Variants in MAGED2 observed in about 807,000 individuals in gnomAD.
The protein encoded by MAGED2 is melanoma-associated antigen D2.
A neutral mutation model predicts 41.7 loss-of-function variants in MAGED2; 6 were observed. The ratio of observed to expected loss-of-function variants is 0.14; its 90% CI spans 0.08 to 0.28. The LOEUF is 0.28. Ranked by LOEUF, MAGED2 falls within the 10% of genes least tolerant of loss-of-function variation. The pLI is 1.00. For missense variants in MAGED2, 343 were observed against 486.4 expected (o/e 0.71, Z 2.77); for synonymous variants, 146 against 178.2 (o/e 0.82, Z 1.44).
rs747081998 is a variant in MAGED2, at chrX:54,815,430, C to T, written c.1569C>T (p.Ile523=). The change falls in exon 12 of 13, where the codon ATC becomes ATT. Residue 523 remains isoleucine (I), a synonymous_variant. Transcript: ENST00000375068. ...CCTGCAACTGGGACGAAGCTGATAT[C>T]GGACCCTGGGCCAAAGCCCGGATCC... is the stretch of plus-strand genomic sequence containing the variant. The part of the protein sequence containing the change: ...AGPCNWDEAD[I]GPWAKARIQA... 172 of 1,206,045 alleles carry T rather than the reference C, an allele frequency of 1.4e-4. No individual in the cohort carries two copies. Among genetic ancestry groups the T allele is most frequent in the Non-Finnish European group, 1.9e-4 (166 of 892,635 alleles).
intron 1 of MAGED2, chrX:54,808,939 C>T: frequency 4.2e-6 from 1 of 237,612 alleles, no homozygotes; most frequent in Non-Finnish European, 7.8e-6. Flanking sequence ...CTGCTGAATG[C>T]GCATGTGCAC....
At chrX:54,810,681 G>A (rs1160594805) in intron 3 of MAGED2, 140 bp from the exon 4 acceptor site, 2 of 494,071 alleles carry the variant, frequency 4.0e-6, no homozygotes, top group Non-Finnish European at 6.5e-6. Context: ...ACAAATCCAG[G>A]GTTCAGCATG....
intron 7 of MAGED2, 133 bp downstream of exon 7, chrX:54,812,384 C>G: frequency 2.4e-6 from 1 of 418,761 alleles, no homozygotes; most frequent in South Asian, 3.6e-5. Flanking sequence ...GTCCCAGTTC[C>G]TATGCATAGT....
chrX:54,814,235 C>A (rs1929893866), intron 10 of MAGED2: 1 of 292,142 alleles, frequency 3.4e-6, no homozygotes, highest in South Asian at 3.2e-5. Flanking sequence ...CACACAGAAA[C>A]ACACACAAAG....
intron 4 of MAGED2, 28 bp downstream of exon 4, chrX:54,811,157 C>T: frequency 8.4e-7 from 1 of 1,194,435 alleles, no homozygotes; most frequent in Non-Finnish European, 1.1e-6. Flanking sequence ...TTTATTCTGC[C>T]TTTTCTACTG....
Position 54,810,959 on chromosome X carries a change from G to T in MAGED2, c.676G>T (p.Ala226Ser). The change falls in exon 4 of 13, where the codon GCC becomes TCC. Residue 226 changes from alanine (A) to serine (S), a missense_variant. Around this residue, in one of 3 missense-constraint regions of MAGED2, gnomAD observed 195 missense variants for 221.2 expected, o/e 0.88. Transcript: ENST00000375068. ...TTCAAGGGGTCCCATAGCCTTTTGGGCCCGCAGGGCATCAAGGACTCGGTT... is the reference window on the plus strand; with the variant it reads ...TTCAAGGGGTCCCATAGCCTTTTGGTCCCGCAGGGCATCAAGGACTCGGTT... ...RASRGPIAFW[A>S]RRASRTRLAA... The T allele has an allele frequency of 8.3e-7, 1 of 1,204,781 alleles. No homozygotes were observed.
intron 10 of MAGED2, chrX:54,814,369 T>TGGGGTGTGCTCAGAGCAGG: frequency 2.2e-6 from 1 of 463,964 alleles, no homozygotes. Context: ...ACACTTGCAG[T>TGGGGTGTGCTCAGAGCAGG]GGGGTGTGCT....
chrX:54,813,389 CCT>C, intron 9 of MAGED2, 97 bp from the exon 10 acceptor site: 2 of 889,273 alleles, frequency 2.2e-6, no homozygotes, highest in South Asian at 4.5e-5. Flanking sequence ...GTGCTGGAAA[CCT>C]CTTTTCCATC....
rs768864626 is a variant in MAGED2, at chrX:54,815,629, G to C, written c.1768G>C (p.Ala590Pro). 12 of 1,165,781 alleles carry C rather than the reference G, an allele frequency of 1.0e-5. No homozygotes were observed. Among genetic ancestry groups the C allele is most frequent in the Middle Eastern group, 2.5e-4 (1 of 3,967 alleles). The change falls in exon 12 of 13, where the codon GCT becomes CCT. Residue 590 changes from alanine (A) to proline (P), a missense_variant. Physicochemically the swap from Ala to Pro is conservative, Grantham distance 27. This residue lies in a region of MAGED2 where 53 missense variants were observed against 60.4 expected (regional missense o/e 0.88). Coordinates refer to ENST00000375068, the MANE Select transcript of MAGED2 (RefSeq NM_177433.3). ...TFGLFAGLGG[A>P]GASTSGSSGA... ...TGGGCTCTTCGCTGGCCTTGGTGGA[G>C]CTGGTGCCAGCACCAGTGGCAGCTC...
chrX:54,808,466 C>G (rs1395211201), intron 1 of MAGED2: 1 of 112,833 alleles, frequency 8.9e-6, no homozygotes, highest in African/African-American at 3.2e-5. Flanking sequence ...GGATGAGAGC[C>G]CCGCTAGGGG....
intron 1 of MAGED2, 51 bp from the exon 2 acceptor site, chrX:54,809,252 G>T: frequency 9.8e-7 from 1 of 1,017,667 alleles, no homozygotes; most frequent in Non-Finnish European, 1.4e-6. Context: ...GCACAACAGG[G>T]GAGAGGACGT....
In MAGED2 at chrX:54,809,294, C is replaced by G. The variant is rs764679120; in HGVS notation, c.-29-9C>G. 2.5e-6 allele frequency: 3 copies of G among 1,204,994 alleles called. No homozygotes were observed. Among genetic ancestry groups the G allele is most frequent in the Non-Finnish European group, 3.4e-6 (3 of 889,600 alleles). ...GGCTTCAACTTGACCCAGGCCTTCT[C>G]CCCTTCAGGCTCAGCTCTTGCCAGG... On this transcript the variant is annotated splice_polypyrimidine_tract_variant and intron_variant, in intron 1 of 12. Coordinates refer to ENST00000375068, the MANE Select transcript of MAGED2 (RefSeq NM_177433.3).
rs1380149078 is a variant in MAGED2 at position 54,814,675 on chromosome X, C to T, written c.1286C>T (p.Ala429Val). ...CTCTTTCCAAGGTACCTGGACTATGCCAGAGTCCCCAATAGCAATCCCCCT... is the reference window on the plus strand; with the variant it reads ...CTCTTTCCAAGGTACCTGGACTATGTCAGAGTCCCCAATAGCAATCCCCCT... ...EFVKQKYLDY[A>V]RVPNSNPPEY... The change falls in exon 11 of 13, where the codon GCC (alanine) becomes GTC (valine). Residue 429 changes from alanine to valine, a missense_variant. This residue lies in a region of MAGED2 where 95 missense variants were observed against 204.8 expected (regional missense o/e 0.46). Transcript: ENST00000375068. The T allele has an allele frequency of 2.5e-6, 3 of 1,196,186 alleles. No individual in the cohort carries two copies. In the South Asian group the frequency reaches 5.3e-5, roughly 21 times the overall value.
chrX:54,809,233 A>G (rs1929720632), intron 1 of MAGED2, 70 bp from the exon 2 acceptor site: 2 of 845,358 alleles, frequency 2.4e-6, no homozygotes, highest in East Asian at 6.3e-5. Context: ...GGTGAGGATC[A>G]GCCTCCAGGC....
intron 11 of MAGED2, among the ~76,000 whole-genome samples, 200 bp downstream of exon 11, chrX:54,814,975 A>G (rs952721585): frequency 8.9e-6 from 1 of 112,226 alleles, no homozygotes; most frequent in Non-Finnish European, 1.9e-5. Context: ...TACAGATGAG[A>G]AAACCGAGGC....
chrX:54,814,071 C>T (rs917820743), intron 10 of MAGED2, among the ~76,000 whole-genome samples: 1 of 112,385 alleles, frequency 8.9e-6, no homozygotes, highest in Non-Finnish European at 1.9e-5. Context: ...CCCCGTTTTA[C>T]AGTTGAGGGA....
intron 3 of MAGED2, 66 bp from the exon 4 acceptor site, chrX:54,810,755 G>C: frequency 1.0e-6 from 1 of 992,496 alleles, no homozygotes; most frequent in Non-Finnish European, 1.4e-6. Flanking sequence ...TCCTGGAAGA[G>C]ATAGGGAGAG....
chrX:54,811,333 C>G lies in MAGED2; in HGVS notation c.910+20C>G. The G allele has an allele frequency of 2.5e-6, 3 of 1,193,609 alleles. No individual in the cohort carries two copies. The highest frequency in any genetic ancestry group is 3.5e-5 in the South Asian group (2 of 56,557). On this transcript the variant is annotated intron_variant, in intron 5 of 12. Coordinates refer to ENST00000375068, the MANE Select transcript of MAGED2 (RefSeq NM_177433.3). ...GCTCGGGTAAAGTCCTACCAATCCTCCCTCTGCCCTGAGCTCTGCCCTCCA... is the reference window on the plus strand; with the variant it reads ...GCTCGGGTAAAGTCCTACCAATCCTGCCTCTGCCCTGAGCTCTGCCCTCCA...
rs1355404733 is a variant in MAGED2 at position 54,815,730 on chromosome X, G to A, written c.*8+40G>A. On this transcript the variant is annotated intron_variant, in intron 12 of 12. Coordinates refer to ENST00000375068, the MANE Select transcript of MAGED2 (RefSeq NM_177433.3). ...TTCAGTGGGGACATCTGGGGCTTAT[G>A]GGGCTGGGATGAGGAGCTGGATGAT... is the stretch of plus-strand genomic sequence containing the variant. 8.3e-6 allele frequency: 8 copies of A among 965,854 alleles called. No individual in the cohort carries two copies. The South Asian group carries it at 1.9e-4, about 23-fold the overall frequency. The allele number at this position is 965,854 out of a possible 1,213,427, so 79.6% of individuals were successfully genotyped here. A position where few individuals can be genotyped will look rare whatever the true frequency, so the allele number is the denominator to read the frequency against.
Sources: allele counts gnomAD v4.1 joint callset (sites outside exome capture counted in the v4.1 genomes callset), GRCh38; gene constraint gnomAD v4.1.1; regional missense constraint gnomAD v4.1.1; transcripts MANE v1.5; gene names NCBI Gene and HGNC (gene_info 2026-07-23, HGNC 2026-07-21).